The following CCDC83 variants were observed in gnomAD, a reference collection of about 807,000 sequenced individuals.
CCDC83 encodes coiled-coil domain-containing protein 83.
A neutral mutation model predicts 50.1 loss-of-function variants in CCDC83; 54 were observed. That is an observed-to-expected ratio of 1.08 (90% CI 0.87 to 1.35). The LOEUF (loss-of-function observed/expected upper bound fraction) is 1.35, where lower values mean the gene tolerates loss of function less well. Ranked by LOEUF, CCDC83 falls within the 40% of genes most tolerant of loss-of-function variation. CCDC83 has a pLI of 0.00. For synonymous variants in CCDC83, 161 were observed against 153.3 expected, an observed-to-expected ratio of 1.05 and a Z score of -0.37; for missense variants, 518 against 473.9, an observed-to-expected ratio of 1.09 and a Z score of -0.86.
At chr11:85,861,365 G>T (rs1054522295) in intron 1 of CCDC83, among the ~76,000 whole-genome samples, 1 of 152,046 alleles carries the variant, frequency 6.6e-6, no homozygotes, top group Non-Finnish European at 1.5e-5. Context: ...TATAATTTGG[G>T]AACTGCAGTT....
At chr11:85,860,773 G>C (rs2093171489) in intron 1 of CCDC83, among the ~76,000 whole-genome samples, 1 of 152,110 alleles carries the variant, frequency 6.6e-6, no homozygotes, top group South Asian at 2.1e-4. Flanking sequence ...AGAAAATGTG[G>C]TACACATACA....
chr11:85,873,211 A>G lies in CCDC83; in HGVS notation c.96A>G (p.Gln32=). The change falls in exon 3 of 11, where the codon CAA becomes CAG. Residue 32 remains glutamine (Q), a splice_region_variant and synonymous_variant. Transcript: ENST00000342404. ...ACATTTTATCTTTGTTGATTCTCAG[A>G]TGTCAAATAAAGGAAGATGCCGTGG... is the stretch of plus-strand genomic sequence containing the variant. ...LPTSEALLDY[Q]CQIKEDAVEQ... The G allele has an allele frequency of 2.0e-6, 3 of 1,511,180 alleles. No homozygotes were observed. Among genetic ancestry groups the G allele is most frequent in the Non-Finnish European group, 2.7e-6 (3 of 1,116,580 alleles). The allele number at this position is 1,511,180 out of a possible 1,614,324, so 93.6% of individuals were successfully genotyped here. A position where few individuals can be genotyped will look rare whatever the true frequency, so the allele number is the denominator to read the frequency against.
rs1383880329 is a variant in CCDC83, at chr11:85,915,192, T to A, written c.795-227T>A. Among the ~76,000 whole-genome samples the A allele has an allele frequency of 5.3e-5, 8 of 152,170 alleles. 1 individual carries two copies. Among genetic ancestry groups the A allele is most frequent in the Admixed American group, 3.3e-4 (5 of 15,274 alleles). On this transcript the variant is annotated intron_variant, in intron 8 of 10. Transcript: ENST00000342404. ...GACTCAGGTGCTGCTTCTTTCTGCATCCCATTATTCTCACACTATGGTAAT... is the reference window on the plus strand; with the variant it reads ...GACTCAGGTGCTGCTTCTTTCTGCAACCCATTATTCTCACACTATGGTAAT...
intron 1 of CCDC83, among the ~76,000 whole-genome samples, chr11:85,855,817 C>G (rs775143429): frequency 6.6e-6 from 1 of 152,210 alleles, no homozygotes; most frequent in Non-Finnish European, 1.5e-5. Flanking sequence ...TAAGCTCGGT[C>G]TTGCTTCTCT....
At chr11:85,875,699 A>T (rs1345941017) in intron 3 of CCDC83, among the ~76,000 whole-genome samples, 1 of 152,232 alleles carries the variant, frequency 6.6e-6, no homozygotes, top group Non-Finnish European at 1.5e-5. Flanking sequence ...ACACTAGTGG[A>T]AGAAAAAATG....
rs2093499089 is a variant in CCDC83, at chr11:85,919,557, T to C, written c.*47T>C. ...CACAACTTTTCCTTATAAATGTTCTTTGGGAACTGAAGTATATCCGTTGCC... is the reference window on the plus strand; with the variant it reads ...CACAACTTTTCCTTATAAATGTTCTCTGGGAACTGAAGTATATCCGTTGCC... On this transcript the variant is annotated 3_prime_UTR_variant, in exon 11 of 11. Transcript: ENST00000342404. 4 of 1,444,730 alleles carry C rather than the reference T, an allele frequency of 2.8e-6. No homozygotes were observed. Among genetic ancestry groups the C allele is most frequent in the Non-Finnish European group, 3.8e-6 (4 of 1,048,814 alleles). The allele number at this position is 1,444,730 out of a possible 1,614,324, so 89.5% of individuals were successfully genotyped here. A position where few individuals can be genotyped will look rare whatever the true frequency, so the allele number is the denominator to read the frequency against.
intron 7 of CCDC83, 103 bp from the exon 8 acceptor site, chr11:85,911,175 TAAA>T (rs368467157): frequency 3.8e-3 from 2,522 of 656,770 alleles, no homozygotes; most frequent in South Asian, 5.6e-3. Context: ...CCGTCTCAAA[TAAA>T]AAAAAAAAAA....
At chr11:85,861,525 T>G (rs929304051) in intron 1 of CCDC83, among the ~76,000 whole-genome samples, 1 of 152,224 alleles carries the variant, frequency 6.6e-6, no homozygotes, top group Non-Finnish European at 1.5e-5. Context: ...TCATTGCTAA[T>G]GCTGTTAAGT....
rs112799619 is a variant in CCDC83 at position 85,882,551 on chromosome 11, G to A, written c.219G>A (p.Arg73=). The part of the protein sequence containing the change: ...RLKEEQIWHI[R]HLLKELSEEK... The stretch of plus-strand genomic sequence containing the variant: ...AAGAAGAACAGATTTGGCACATACG[G>A]CATCTACTAAAGGAACTGAGTGAAG... The change falls in exon 4 of 11, where the codon CGG becomes CGA. Residue 73 remains arginine, a synonymous_variant. Transcript: ENST00000342404. The A allele has an allele frequency of 1.1e-3, 1,824 of 1,613,906 alleles. 21 individuals are homozygous for A. The African/African-American group carries it at 0.022, about 19-fold the overall frequency.
intron 5 of CCDC83, among the ~76,000 whole-genome samples, chr11:85,889,122 G>A (rs1362680108): frequency 6.6e-6 from 1 of 152,222 alleles, no homozygotes; most frequent in Non-Finnish European, 1.5e-5. Context: ...GGGGTCCACG[G>A]TGGATGGGTC....
At chr11:85,861,482 C>T (rs545832991) in intron 1 of CCDC83, among the ~76,000 whole-genome samples, 5 of 152,338 alleles carry the variant, frequency 3.3e-5, no homozygotes, top group Non-Finnish European at 7.3e-5. Flanking sequence ...ATCATGCACT[C>T]ATGCCTTGAT....
intron 1 of CCDC83, among the ~76,000 whole-genome samples, chr11:85,857,209 C>T (rs2093146765): frequency 2.0e-5 from 3 of 152,220 alleles, no homozygotes; most frequent in African/African-American, 7.2e-5. Flanking sequence ...GTACTCAACC[C>T]TCCAAGCCCT....
chr11:85,901,211 T>C (rs1263410900), intron 7 of CCDC83, among the ~76,000 whole-genome samples: 5 of 151,946 alleles, frequency 3.3e-5, no homozygotes, highest in African/African-American at 7.3e-5. Context: ...AATATATATA[T>C]ATATTTTAAA....
chr11:85,915,940 A>T, intron 9 of CCDC83, 88 bp from the exon 10 acceptor site: 1 of 893,490 alleles, frequency 1.1e-6, no homozygotes, highest in Non-Finnish European at 1.8e-6. Context: ...AGTTCCATCC[A>T]ATTAAAAATG....
chr11:85,906,594 A>G (rs2093426603), intron 7 of CCDC83, among the ~76,000 whole-genome samples: 1 of 152,190 alleles, frequency 6.6e-6, no homozygotes, highest in Admixed American at 6.5e-5. Context: ...TAAAGAACAA[A>G]TCACCTGGGC....
chr11:85,895,298 T>C lies in CCDC83; in HGVS notation c.517T>C (p.Tyr173His), dbSNP rs747786438. Residue 173 changes from tyrosine to histidine, a missense_variant, in exon 6 of 11, where the codon TAT (tyrosine) becomes CAT (histidine). By Grantham distance (83) the Tyr-to-His change is moderately conservative (BLOSUM62 2). Coordinates refer to ENST00000342404, the MANE Select transcript of CCDC83 (RefSeq NM_001286159.2). Reference protein sequence around the residue: ...KENAEKMSEHYKITLEDTRKK... With the variant: ...KENAEKMSEHHKITLEDTRKK... ...TTTTTTTTTTTTTTTTAAAGAACAC[T>C]ATAAAATCACTCTGGAAGATACTAG... 2 of 724,866 alleles carry C rather than the reference T, an allele frequency of 2.8e-6. No homozygotes were observed. The highest frequency in any genetic ancestry group is 1.7e-5 in the South Asian group (1 of 60,090). 44.9% of individuals were successfully genotyped at this position (724,866 alleles called of 1,614,324 possible).
rs1390956856 is a variant in CCDC83, at chr11:85,867,787, T to A, written c.95+2569T>A. Among the ~76,000 whole-genome samples the A allele has an allele frequency of 3.3e-5, 5 of 152,322 alleles. No homozygotes were observed. In the South Asian group the frequency reaches 6.2e-4, roughly 19 times the overall value. ...CAAAGGTTTACAAAAAGGCAAACGT[T>A]TAAAAATTCTCATGATCTAGTGCAA... On this transcript the variant is annotated intron_variant, in intron 2 of 10. Transcript: ENST00000342404.
Position 85,919,402 on chromosome 11 carries a change from G to A in CCDC83, c.1134G>A (p.Lys378=), listed in dbSNP as rs142178820. 2.5e-6 allele frequency: 4 copies of A among 1,613,608 alleles called. No individual in the cohort carries two copies. The highest frequency in any genetic ancestry group is 1.6e-4 in the Middle Eastern group (1 of 6,084). Residue 378 remains lysine (K), a synonymous_variant, in exon 11 of 11, where the codon AAG becomes AAA. Transcript: ENST00000342404. The stretch of plus-strand genomic sequence containing the variant: ...TGAAGCTTATGAGTGTGGAGAGCAA[G>A]AAAATGCCCATTCATTTTCAAGAGA... ...LGVKLMSVES[K]KMPIHFQEKE...
intron 8 of CCDC83, among the ~76,000 whole-genome samples, chr11:85,914,922 G>A (rs907895550): frequency 2.0e-5 from 3 of 152,192 alleles, no homozygotes; most frequent in African/African-American, 7.2e-5. Flanking sequence ...AGGAAGAAGT[G>A]CAGAGCGAAG....
Sources: gnomAD v4.1 joint callset for allele counts (sites outside exome capture counted in the v4.1 genomes callset) on GRCh38, gnomAD v4.1.1 for gene constraint, MANE v1.5 for transcripts, NCBI Gene and HGNC (gene_info 2026-07-23, HGNC 2026-07-21) for gene names.